The following PTPRN2 variants were observed in gnomAD, a reference collection of about 807,000 sequenced individuals.
The protein encoded by PTPRN2 is receptor-type tyrosine-protein phosphatase N2.
PTPRN2 carries 74 observed loss-of-function variants against 118.8 expected under a neutral mutation model. The observed-to-expected ratio is 0.62, with a 90% CI of 0.52 to 0.76. The LOEUF (loss-of-function observed/expected upper bound fraction) is 0.76, where lower values mean the gene tolerates loss of function less well. Ranked by LOEUF, PTPRN2 falls within the 30% of genes least tolerant of loss-of-function variation. PTPRN2 has a pLI of 0.00. For missense variants in PTPRN2, 1,481 were observed against 1,394.4 expected (o/e 1.06, Z -0.99); for synonymous variants, 641 against 608.0 (o/e 1.05, Z -0.80).
rs144383080 is a variant in PTPRN2, at chr7:158,466,841, G to A, written c.163+22894C>T. Among the ~76,000 whole-genome samples the A allele has an allele frequency of 3.4e-3, 518 of 152,274 alleles. 8 individuals are homozygous for A. The highest frequency in any genetic ancestry group is 0.03 in the East Asian group (153 of 5,176). ...GGATCACTTGAGGTCAGGAGCTCAA[G>A]ACCAGCCTGGCCAACACGGTGAAAC... On this transcript the variant is annotated intron_variant, in intron 2 of 22. Transcript: ENST00000389418.
intron 11 of PTPRN2, among the ~76,000 whole-genome samples, chr7:158,057,220 C>T (rs545682436): frequency 3.9e-4 from 59 of 152,310 alleles, no homozygotes; most frequent in African/African-American, 1.4e-3. Flanking sequence ...TTCCTATTGA[C>T]ACCTGCCCAG....
chr7:158,142,763 G>T (rs1476017415), intron 6 of PTPRN2, among the ~76,000 whole-genome samples: 1 of 152,132 alleles, frequency 6.6e-6, no homozygotes. Flanking sequence ...GCCTAAAACC[G>T]CAGCAAAGCC....
intron 2 of PTPRN2, among the ~76,000 whole-genome samples, chr7:158,479,612 G>A (rs139874496): frequency 8.7e-4 from 132 of 152,326 alleles, no homozygotes; most frequent in Middle Eastern, 6.8e-3. Flanking sequence ...GGGAGGCTGC[G>A]GAAAAGCACA....
At chr7:158,361,437 C>T (rs1247911567) in intron 2 of PTPRN2, among the ~76,000 whole-genome samples, 2 of 152,232 alleles carry the variant, frequency 1.3e-5, no homozygotes, top group East Asian at 1.9e-4. Flanking sequence ...TTGCCCAGAC[C>T]CCATCACAGC....
At chr7:158,272,384 A>G (rs1345774852) in intron 3 of PTPRN2, among the ~76,000 whole-genome samples, 1 of 152,194 alleles carries the variant, frequency 6.6e-6, no homozygotes. Flanking sequence ...TTGGGTCCCA[A>G]CGTCACTGTC....
intron 11 of PTPRN2, among the ~76,000 whole-genome samples, chr7:158,009,338 C>A (rs909435662): frequency 6.6e-6 from 1 of 152,120 alleles, no homozygotes; most frequent in African/African-American, 2.4e-5. Flanking sequence ...CAGCTAGGTT[C>A]TTTGCCAAGA....
intron 2 of PTPRN2, among the ~76,000 whole-genome samples, chr7:158,418,349 C>A (rs534593843): frequency 6.7e-6 from 1 of 150,352 alleles, no homozygotes; most frequent in South Asian, 2.1e-4. Context: ...TCTCCGTGTC[C>A]CGCTGTGTTA....
rs781301361 is a variant in PTPRN2, at chr7:158,468,085, C to T, written c.163+21650G>A. On this transcript the variant is annotated intron_variant, in intron 2 of 22. Coordinates refer to ENST00000389418, the MANE Select transcript of PTPRN2 (RefSeq NM_002847.5). ...GCAAAAATTGTGGCATTTTTACAGT[C>T]TTCCTACATCTTCAGCTAATAGCCT... is the stretch of plus-strand genomic sequence containing the variant. 9.2e-5 allele frequency among the ~76,000 whole-genome samples: 14 copies of T among 152,182 alleles called. No individual in the cohort carries two copies. In the South Asian group the frequency reaches 1.0e-3, roughly 11 times the overall value.
intron 3 of PTPRN2, among the ~76,000 whole-genome samples, chr7:158,241,688 C>G (rs1200469130): frequency 2.0e-5 from 3 of 152,170 alleles, no homozygotes; most frequent in Non-Finnish European, 4.4e-5. Flanking sequence ...AGGCAGTGTT[C>G]TGTTCTGTTT....
At chr7:158,049,007 C>T (rs200887222) in intron 11 of PTPRN2, among the ~76,000 whole-genome samples, 1 of 133,864 alleles carries the variant, frequency 7.5e-6, no homozygotes. Context: ...CATCACATCA[C>T]CACCATCACC....
At chr7:157,718,121 T>C (rs997842917) in intron 12 of PTPRN2, among the ~76,000 whole-genome samples, 3 of 152,152 alleles carry the variant, frequency 2.0e-5, no homozygotes, top group African/African-American at 7.2e-5. Flanking sequence ...AACCATTATA[T>C]AGAGGAGGGA....
chr7:157,600,952 TG>T (rs1801634644), intron 16 of PTPRN2, among the ~76,000 whole-genome samples: 2 of 152,230 alleles, frequency 1.3e-5, no homozygotes, highest in Admixed American at 6.5e-5. Flanking sequence ...CTTTAAATGA[TG>T]TTTTTTTCTC....
intron 6 of PTPRN2, among the ~76,000 whole-genome samples, chr7:158,145,893 T>C (rs911295360): frequency 6.6e-6 from 1 of 152,204 alleles, no homozygotes; most frequent in African/African-American, 2.4e-5. Context: ...CCAGCGCTCA[T>C]GGTCTGTGGT....
Position 158,509,925 on chromosome 7 carries a change from G to T in PTPRN2, c.113-20140C>A, listed in dbSNP as rs531490279. 5.9e-5 allele frequency among the ~76,000 whole-genome samples: 9 copies of T among 152,124 alleles called. No homozygotes were observed. The highest frequency in any genetic ancestry group is 1.3e-4 in the Non-Finnish European group (9 of 68,040). On this transcript the variant is annotated intron_variant, in intron 1 of 22. Transcript: ENST00000389418. The surrounding 1 kb of genome is among the most constrained non-coding windows in gnomAD (Gnocchi z 4.4). ...GTTCATGGCCCTCAAATGTACACTT[G>T]AGGCCAGGCTATGAGGGGAGCACGA...
intron 11 of PTPRN2, among the ~76,000 whole-genome samples, chr7:158,059,374 C>T (rs1810113742): frequency 1.5e-5 from 2 of 129,204 alleles, no homozygotes; most frequent in Admixed American, 1.4e-4. Flanking sequence ...CGCATCACTG[C>T]AGCCACACTC....
intron 6 of PTPRN2, among the ~76,000 whole-genome samples, chr7:158,151,091 A>ACC (rs1821012412): frequency 9.7e-4 from 8 of 8,244 alleles, no homozygotes; most frequent in South Asian, 4.1e-3. Flanking sequence ...CTGCCTGCCC[A>ACC]AACCGCCCGC....
intron 3 of PTPRN2, among the ~76,000 whole-genome samples, chr7:158,294,912 T>C (rs1317043161): frequency 2.2e-5 from 3 of 138,820 alleles, no homozygotes; most frequent in African/African-American, 8.3e-5. Flanking sequence ...GCCCAGACAC[T>C]GCGCCACTTT....
intron 10 of PTPRN2, among the ~76,000 whole-genome samples, chr7:158,098,232 G>A (rs1344247464): frequency 1.3e-5 from 2 of 152,228 alleles, no homozygotes; most frequent in Non-Finnish European, 2.9e-5. Context: ...AGCGCTGGAC[G>A]CAGCAAGAAT....
intron 3 of PTPRN2, among the ~76,000 whole-genome samples, chr7:158,266,070 T>C (rs1220107975): frequency 6.6e-6 from 1 of 150,972 alleles, no homozygotes; most frequent in African/African-American, 2.4e-5. Flanking sequence ...CGGCGTCTGC[T>C]GCGGGGTATT....
Sources: allele counts gnomAD v4.1 joint callset (sites outside exome capture counted in the v4.1 genomes callset), GRCh38; gene constraint gnomAD v4.1.1; non-coding constraint Gnocchi (gnomAD v3.1); transcripts MANE v1.5; gene names NCBI Gene and HGNC (gene_info 2026-07-23, HGNC 2026-07-21).